Variants in DBNL observed in about 807,000 individuals in gnomAD.
DBNL encodes drebrin-like protein.
A neutral mutation model predicts 62.2 loss-of-function variants in DBNL; 35 were observed. That is an observed-to-expected ratio of 0.56 (90% CI 0.43 to 0.75). The LOEUF (loss-of-function observed/expected upper bound fraction) is 0.75. Ranked by LOEUF, DBNL falls within the 30% of genes least tolerant of loss-of-function variation. The pLI, the probability that DBNL is intolerant of heterozygous loss-of-function variation, is 0.00. For missense variants in DBNL, 495 were observed against 578.4 expected (o/e 0.86, Z 1.48); for synonymous variants, 197 against 218.0 (o/e 0.90, Z 0.85).
chr7:44,065,923 T>G lies in DBNL; in HGVS notation c.*5007T>G. On this transcript the variant is annotated 3_prime_UTR_variant, in exon 13 of 13. Coordinates refer to ENST00000448521, the MANE Select transcript of DBNL (RefSeq NM_001014436.3). Reference sequence around the variant, plus strand: ...GCAACGCTCAGTGGCCTATCAGCCATTCTCTGCTCAGACAGAGGCACAAAC... The same window carrying G: ...GCAACGCTCAGTGGCCTATCAGCCAGTCTCTGCTCAGACAGAGGCACAAAC... The G allele has an allele frequency of 2.8e-6, 1 of 353,852 alleles. No individual in the cohort carries two copies. The highest frequency in any genetic ancestry group is 5.5e-6 in the Non-Finnish European group (1 of 182,970). The allele number at this position is 353,852 out of a possible 1,614,324, so 21.9% of individuals were successfully genotyped here.
Position 44,066,173 on chromosome 7 carries a change from C to T in DBNL, c.*5257C>T, listed in dbSNP as rs1182812700. On this transcript the variant is annotated 3_prime_UTR_variant, in exon 13 of 13. Coordinates refer to ENST00000448521, the MANE Select transcript of DBNL (RefSeq NM_001014436.3). ...GGCCCCTGTCTTTCCTCCGGGGTCC[C>T]TTTGTCAAGGTCTCATCCATACATG... 1 of 171,354 alleles carries T rather than the reference C, an allele frequency of 5.8e-6. No individual in the cohort carries two copies. The highest frequency in any genetic ancestry group is 1.3e-5 in the Non-Finnish European group (1 of 77,860). 10.6% of individuals were successfully genotyped at this position (171,354 alleles called of 1,614,324 possible). A position where few individuals can be genotyped will look rare whatever the true frequency, so the allele number is the denominator to read the frequency against.
Position 44,062,230 on chromosome 7 carries a change from A to C in DBNL, c.*1314A>C. On this transcript the variant is annotated 3_prime_UTR_variant, in exon 13 of 13. Coordinates refer to ENST00000448521, the MANE Select transcript of DBNL (RefSeq NM_001014436.3). ...CCTGGTGCCTCTCCCATGAAGAGGG[A>C]ACTTCCCCTCCACTCCCATGGAAGA... 5.7e-6 allele frequency: 1 copy of C among 174,030 alleles called. No homozygotes were observed. The highest frequency in any genetic ancestry group is 1.4e-4 in the East Asian group (1 of 7,106). The allele number at this position is 174,030 out of a possible 1,614,324, so 10.8% of individuals were successfully genotyped here.
chr7:44,060,164 C>T lies in DBNL; in HGVS notation c.1153+11C>T. The T allele has an allele frequency of 6.2e-7, 1 of 1,604,064 alleles. No individual in the cohort carries two copies. Among genetic ancestry groups the T allele is most frequent in the Non-Finnish European group, 8.5e-7 (1 of 1,172,726 alleles). ...ACGACTACCAGGCAGGTAAGGTGCC[C>T]TGGCCTGGCTGGCACAGACCACAGG... is the stretch of plus-strand genomic sequence containing the variant. On this transcript the variant is annotated intron_variant, in intron 12 of 12. Transcript: ENST00000448521. The surrounding 1 kb of genome is among the most constrained non-coding windows in gnomAD (Gnocchi z 6.3).
At position 44,068,070 on chromosome 7, in the gene DBNL, G is replaced by A. The variant is rs556826370; in HGVS notation, c.*7154G>A. 168 of 152,334 alleles carry A rather than the reference G, an allele frequency of 1.1e-3. No homozygotes were observed. The highest frequency in any genetic ancestry group is 4.0e-3 in the African/African-American group (166 of 41,566). The allele number at this position is 152,334 out of a possible 1,614,324, so 9.4% of individuals were successfully genotyped here. A position where few individuals can be genotyped will look rare whatever the true frequency, so the allele number is the denominator to read the frequency against. ...ACATGGAGGTGGCAGTGGTGGCACA[G>A]TGACGGTAGTGTGAGCTGGGTACGC... On this transcript the variant is annotated 3_prime_UTR_variant, in exon 13 of 13. Transcript: ENST00000448521.
At position 44,063,396 on chromosome 7, in the gene DBNL, C is replaced by T. The variant is rs1562660319; in HGVS notation, c.*2480C>T. On this transcript the variant is annotated 3_prime_UTR_variant, in exon 13 of 13. Transcript: ENST00000448521. ...ATCTCCTGGGTTGAAGTGATTCTGCCTCAGCCTCCCAAGTAGCTGGGATTA... is the reference window on the plus strand; with the variant it reads ...ATCTCCTGGGTTGAAGTGATTCTGCTTCAGCCTCCCAAGTAGCTGGGATTA... 1 of 213,002 alleles carries T rather than the reference C, an allele frequency of 4.7e-6. No homozygotes were observed. The highest frequency in any genetic ancestry group is 2.3e-5 in the African/African-American group (1 of 43,328). 13.2% of individuals were successfully genotyped at this position (213,002 alleles called of 1,614,324 possible). A position where few individuals can be genotyped will look rare whatever the true frequency, so the allele number is the denominator to read the frequency against.
Position 44,064,727 on chromosome 7 carries a change from C to T in DBNL, c.*3811C>T. ...TTTTTCAGTGAATGATGTGGAGCCCCACGCCTAGAAAGCCTGGTCCATGGG... is the reference window on the plus strand; with the variant it reads ...TTTTTCAGTGAATGATGTGGAGCCCTACGCCTAGAAAGCCTGGTCCATGGG... On this transcript the variant is annotated 3_prime_UTR_variant, in exon 13 of 13. Transcript: ENST00000448521. 1.0e-6 allele frequency: 1 copy of T among 997,656 alleles called. No individual in the cohort carries two copies. The highest frequency in any genetic ancestry group is 2.6e-5 in the East Asian group (1 of 38,256). The allele number at this position is 997,656 out of a possible 1,614,324, so 61.8% of individuals were successfully genotyped here.
At chr7:44,056,256 G>T (rs2128792737) in intron 4 of DBNL, among the ~76,000 whole-genome samples, 1 of 152,100 alleles carries the variant, frequency 6.6e-6, no homozygotes, top group Middle Eastern at 3.4e-3. Context: ...TTCCATTGTT[G>T]TGTCTGTGTT....
Position 44,068,008 on chromosome 7 carries a change from TTTTTC to T in DBNL, c.*7100_*7104del, listed in dbSNP as rs1226879338. On this transcript the variant is annotated 3_prime_UTR_variant, in exon 13 of 13. Transcript: ENST00000448521. ...CAGTGAGTTGGGGGAATCCCTCCAATTTTTCTTTTCTTCTCTACCCCAGCTCCTGG... is the reference window on the plus strand; with the variant it reads ...CAGTGAGTTGGGGGAATCCCTCCAATTTTTCTTCTCTACCCCAGCTCCTGG... The T allele has an allele frequency of 6.6e-6, 1 of 152,090 alleles. No homozygotes were observed. Among genetic ancestry groups the T allele is most frequent in the African/African-American group, 2.4e-5 (1 of 41,408 alleles). 9.4% of individuals were successfully genotyped at this position (152,090 alleles called of 1,614,324 possible).
chr7:44,056,360 A>T (rs1178356362), intron 4 of DBNL, among the ~76,000 whole-genome samples: 1 of 152,176 alleles, frequency 6.6e-6, no homozygotes, highest in African/African-American at 2.4e-5. Flanking sequence ...TTTTTGCTTC[A>T]GATTGCTTTA....
At chr7:44,046,964 C>T (rs2096118400) in intron 1 of DBNL, among the ~76,000 whole-genome samples, 1 of 152,208 alleles carries the variant, frequency 6.6e-6, no homozygotes, top group Non-Finnish European at 1.5e-5. Flanking sequence ...GGTTCCTCTT[C>T]AGAGTCCTTG....
At position 44,044,718 on chromosome 7, in the gene DBNL, C is replaced by A; in HGVS notation, c.-20C>A. ...CGGCCCGGAAGCTACAGCAGCGGCG[C>A]GGAGACTGCGGGGCGGGCCATGGCG... is the stretch of plus-strand genomic sequence containing the variant. On this transcript the variant is annotated 5_prime_UTR_variant, in exon 1 of 13. Coordinates refer to ENST00000448521, the MANE Select transcript of DBNL (RefSeq NM_001014436.3). 6.7e-7 allele frequency: 1 copy of A among 1,484,270 alleles called. No individual in the cohort carries two copies. Among genetic ancestry groups the A allele is most frequent in the East Asian group, 2.8e-5 (1 of 35,180 alleles). 91.9% of individuals were successfully genotyped at this position (1,484,270 alleles called of 1,614,324 possible). A position where few individuals can be genotyped will look rare whatever the true frequency, so the allele number is the denominator to read the frequency against.
chr7:44,044,734 G>A lies in DBNL; in HGVS notation c.-4G>A. 3 of 1,504,002 alleles carry A rather than the reference G, an allele frequency of 2.0e-6. No individual in the cohort carries two copies. The highest frequency in any genetic ancestry group is 2.7e-6 in the Non-Finnish European group (3 of 1,128,462). The allele number at this position is 1,504,002 out of a possible 1,614,324, so 93.2% of individuals were successfully genotyped here. On this transcript the variant is annotated 5_prime_UTR_variant, in exon 1 of 13. Transcript: ENST00000448521. Reference sequence around the variant, plus strand: ...GCAGCGGCGCGGAGACTGCGGGGCGGGCCATGGCGGCGAACCTGAGCCGGA... The same window carrying A: ...GCAGCGGCGCGGAGACTGCGGGGCGAGCCATGGCGGCGAACCTGAGCCGGA...
rs1253393874 is a variant in DBNL at position 44,049,211 on chromosome 7, C to T, written c.84-1014C>T. Among the ~76,000 whole-genome samples, 4 of 152,096 alleles carry T rather than the reference C, an allele frequency of 2.6e-5. No individual in the cohort carries two copies. The East Asian group carries it at 7.7e-4, about 29-fold the overall frequency. On this transcript the variant is annotated intron_variant, in intron 1 of 12. Transcript: ENST00000448521. ...TCACTCTGTTGCCCAGGCTGGAGTG[C>T]AGTGGCGCGATCTTGGCTCACTGCA...
chr7:44,044,987 G>A, intron 1 of DBNL, 167 bp downstream of exon 1: 1 of 601,396 alleles, frequency 1.7e-6, no homozygotes, highest in Non-Finnish European at 2.6e-6. Flanking sequence ...CAGGAGTGCT[G>A]TCTCACCCTC....
chr7:44,054,182 T>A (rs1562653357), intron 4 of DBNL, among the ~76,000 whole-genome samples: 1 of 152,062 alleles, frequency 6.6e-6, no homozygotes, highest in African/African-American at 2.4e-5. Flanking sequence ...TTTTTTTTAA[T>A]TGTTTTGTTT....
Position 44,060,103 on chromosome 7 carries a change from G to C in DBNL, c.1103G>C (p.Gly368Ala). Reference sequence around the variant, plus strand: ...ATTGACCACCACATTCAGGGCCAGGGGCTCAGTGGGCAAGGGCTCTGTGCC... The same window carrying C: ...ATTGACCACCACATTCAGGGCCAGGCGCTCAGTGGGCAAGGGCTCTGTGCC... Reference protein sequence around the residue: ...EHIDHHIQGQGLSGQGLCARA... With the variant: ...EHIDHHIQGQALSGQGLCARA... Residue 368 changes from glycine to alanine, a missense_variant, in exon 12 of 13, where the codon GGG becomes GCG. Physicochemically the swap from Gly to Ala is moderately conservative, Grantham distance 60. Coordinates refer to ENST00000448521, the MANE Select transcript of DBNL (RefSeq NM_001014436.3). The surrounding 1 kb of genome is among the most constrained non-coding windows in gnomAD (Gnocchi z 6.3). 6.2e-7 allele frequency: 1 copy of C among 1,613,676 alleles called. No individual in the cohort carries two copies. The highest frequency in any genetic ancestry group is 8.5e-7 in the Non-Finnish European group (1 of 1,179,912).
intron 1 of DBNL, among the ~76,000 whole-genome samples, chr7:44,049,473 T>G (rs1421556025): frequency 6.6e-6 from 1 of 152,222 alleles, no homozygotes; most frequent in Non-Finnish European, 1.5e-5. Context: ...AAAGTTCTTA[T>G]GAATAATTAA....
In DBNL at chr7:44,053,854, T is replaced by A. The variant is rs570386531; in HGVS notation, c.327+913T>A. ...ACCACGCCCAGCTAATTTTTTGTAT[T>A]TTTAGTAGAGACGGGGTTTCACTGT... is the stretch of plus-strand genomic sequence containing the variant. On this transcript the variant is annotated intron_variant, in intron 4 of 12. Transcript: ENST00000448521. 2.2e-3 allele frequency among the ~76,000 whole-genome samples: 335 copies of A among 152,160 alleles called. 2 individuals are homozygous for A. Among genetic ancestry groups the A allele is most frequent in the Admixed American group, 3.4e-3 (52 of 15,288 alleles).
In DBNL at chr7:44,064,793, GC is replaced by G; in HGVS notation, c.*3880del. 1.8e-6 allele frequency: 2 copies of G among 1,136,964 alleles called. No individual in the cohort carries two copies. Among genetic ancestry groups the G allele is most frequent in the East Asian group, 2.5e-5 (1 of 40,040 alleles). 70.4% of individuals were successfully genotyped at this position (1,136,964 alleles called of 1,614,324 possible). ...AGATGAGAAGCCAGCTGGGGCTGCTGCCCACCCACCCTGCCCAGGCTCCTGA... is the reference window on the plus strand; with the variant it reads ...AGATGAGAAGCCAGCTGGGGCTGCTGCCACCCACCCTGCCCAGGCTCCTGA... On this transcript the variant is annotated 3_prime_UTR_variant, in exon 13 of 13. Transcript: ENST00000448521.
Sources: allele counts gnomAD v4.1 joint callset (sites outside exome capture counted in the v4.1 genomes callset), GRCh38; gene constraint gnomAD v4.1.1; non-coding constraint Gnocchi (gnomAD v3.1); transcripts MANE v1.5; gene names NCBI Gene and HGNC (gene_info 2026-07-23, HGNC 2026-07-21).